Variants in KMT2C observed in about 807,000 individuals in gnomAD.
KMT2C encodes lysine methyltransferase 2C, also known as histone-lysine N-methyltransferase 2C.
Under a neutral mutation model 507.9 loss-of-function variants are expected in KMT2C, and 88 were observed. The ratio of observed to expected loss-of-function variants is 0.17; its 90% CI spans 0.15 to 0.21. The LOEUF is 0.21. KMT2C is among the 10% of genes least tolerant of loss of function. KMT2C has a pLI of 1.00. For synonymous variants in KMT2C, 2,049 were observed against 2,080.8 expected, an observed-to-expected ratio of 0.98 and a Z score of 0.42; for missense variants, 4,954 against 5,957.8, an observed-to-expected ratio of 0.83 and a Z score of 5.55.
intron 2 of KMT2C, among the ~76,000 whole-genome samples, chr7:152,342,095 A>G (rs2097000384): frequency 6.6e-6 from 1 of 152,186 alleles, no homozygotes; most frequent in Admixed American, 6.5e-5. Context: ...AAAGACCCCT[A>G]TCTTGTCTAT....
Position 152,177,767 on chromosome 7 carries a change from T to C in KMT2C, c.7686A>G (p.Arg2562=), listed in dbSNP as rs932276862. 5 of 1,614,150 alleles carry C rather than the reference T, an allele frequency of 3.1e-6. No individual in the cohort carries two copies. The highest frequency in any genetic ancestry group is 4.2e-6 in the Non-Finnish European group (5 of 1,180,022). Residue 2562 remains arginine (R), a synonymous_variant, in exon 38 of 59, where the codon AGA becomes AGG. Coordinates refer to ENST00000262189, the MANE Select transcript of KMT2C (RefSeq NM_170606.3). ...GTTGCCTTCCGTCAGGAGCCCTATG[T>C]CTCAGTTCAATATATGCTTGGCCCA... is the stretch of plus-strand genomic sequence containing the variant. ...NILGQAYIEL[R]HRAPDGRQRL... is the part of the protein sequence containing the mutation.
At chr7:152,156,373 A>G (rs1289594262) in intron 44 of KMT2C, 27 bp from the exon 45 acceptor site, 1 of 1,612,352 alleles carries the variant, frequency 6.2e-7, no homozygotes, top group Non-Finnish European at 8.5e-7. Flanking sequence ...AATTTAAATT[A>G]TATGCTACTG....
At chr7:152,311,273 C>T (rs2096669347) in intron 5 of KMT2C, among the ~76,000 whole-genome samples, 1 of 152,138 alleles carries the variant, frequency 6.6e-6, no homozygotes, top group South Asian at 2.1e-4. Context: ...TGATTATTAA[C>T]ACTTCAGCCT....
chr7:152,171,347 C>G lies in KMT2C; in HGVS notation c.9375-5G>C, dbSNP rs1219180796. 1 of 1,591,058 alleles carries G rather than the reference C, an allele frequency of 6.3e-7. No individual in the cohort carries two copies. Among genetic ancestry groups the G allele is most frequent in the South Asian group, 1.1e-5 (1 of 88,222 alleles). ...ACCTGGCCCATAAAAGGGAACCTGT[C>G]AAAACAGGGTACACAAGTATCAAGT... On this transcript the variant is annotated splice_polypyrimidine_tract_variant and splice_region_variant and intron_variant, in intron 39 of 58. Transcript: ENST00000262189.
In KMT2C at chr7:152,420,488, A is replaced by G. The variant is rs535394120; in HGVS notation, c.161+15138T>C. ...TTCTGCACAGCAAAAGAGATTATCA[A>G]CAGAGTAAACAGACAACCTACAGAA... On this transcript the variant is annotated intron_variant, in intron 1 of 58. Coordinates refer to ENST00000262189, the MANE Select transcript of KMT2C (RefSeq NM_170606.3). 2.2e-3 allele frequency among the ~76,000 whole-genome samples: 335 copies of G among 152,200 alleles called. 1 individual carries two copies. The highest frequency in any genetic ancestry group is 3.9e-3 in the Non-Finnish European group (268 of 68,042).
intron 31 of KMT2C, among the ~76,000 whole-genome samples, chr7:152,192,971 C>A (rs2093848608): frequency 6.6e-6 from 1 of 152,080 alleles, no homozygotes; most frequent in African/African-American, 2.4e-5. Flanking sequence ...CCCAGGAGTT[C>A]TAGACTGGCC....
At chr7:152,378,734 A>G (rs2097348026) in intron 1 of KMT2C, among the ~76,000 whole-genome samples, 1 of 152,188 alleles carries the variant, frequency 6.6e-6, no homozygotes. Context: ...AATAGTTAAT[A>G]AGAAAGAGTA....
rs774227680 is a variant in KMT2C, at chr7:152,148,590, G to A, written c.13337C>T (p.Ala4446Val). ...STEVYETQAG[A>V]LINVELALRR... ...CAGAGCTAGCTCCACATTTATTAAG[G>A]CACCAGCCTGAGTCTCATAGACCTC... The change falls in exon 52 of 59, where the codon GCC becomes GTC. Residue 4446 changes from alanine to valine, a missense_variant. Ala to Val is a moderately conservative substitution (Grantham distance 64). Around this residue, in one of 29 missense-constraint regions of KMT2C, gnomAD observed 39 missense variants for 101.8 expected, o/e 0.38. Coordinates refer to ENST00000262189, the MANE Select transcript of KMT2C (RefSeq NM_170606.3). This position sits in a 1 kb window ranked among gnomAD's most constrained non-coding sequence, Gnocchi z 7.1. 6.2e-7 allele frequency: 1 copy of A among 1,614,138 alleles called. No individual in the cohort carries two copies.
chr7:152,315,736 G>A (rs1274975194), intron 3 of KMT2C, among the ~76,000 whole-genome samples: 2 of 152,140 alleles, frequency 1.3e-5, no homozygotes, highest in African/African-American at 2.4e-5. Flanking sequence ...GTCCAACGTG[G>A]TGAAACCCCA....
At chr7:152,169,066 G>A (rs931560811) in intron 41 of KMT2C, 120 bp downstream of exon 41, 1 of 621,444 alleles carries the variant, frequency 1.6e-6, no homozygotes, top group Non-Finnish European at 2.9e-6. Context: ...TGTTTAATAA[G>A]ACAGGAGGGC....
At chr7:152,314,565 T>TGGGAGGGAAGGCAGGGGAGGGA (rs2096705669) in intron 4 of KMT2C, among the ~76,000 whole-genome samples, 1 of 127,620 alleles carries the variant, frequency 7.8e-6, no homozygotes, top group Non-Finnish European at 1.6e-5. Context: ...AAGCATCTTC[T>TGGGAGGGAAGGCAGGGGAGGGA]GGGAGGGAAG....
At chr7:152,366,512 A>G (rs1415014080) in intron 1 of KMT2C, among the ~76,000 whole-genome samples, 1 of 152,196 alleles carries the variant, frequency 6.6e-6, no homozygotes, top group East Asian at 1.9e-4. Context: ...AAAATAGTGG[A>G]TGATTCCACT....
At chr7:152,356,523 C>T (rs2097152766) in intron 2 of KMT2C, among the ~76,000 whole-genome samples, 1 of 152,014 alleles carries the variant, frequency 6.6e-6, no homozygotes, top group Middle Eastern at 3.4e-3. Flanking sequence ...TTGCAGTGAG[C>T]CAAGATCACG....
chr7:152,306,012 T>C (rs976036317), intron 6 of KMT2C, among the ~76,000 whole-genome samples: 1 of 152,192 alleles, frequency 6.6e-6, no homozygotes, highest in Non-Finnish European at 1.5e-5. Flanking sequence ...AACTCATACA[T>C]ATGCACACAT....
chr7:152,286,934 T>A (rs374556887), intron 6 of KMT2C, among the ~76,000 whole-genome samples: 1 of 152,030 alleles, frequency 6.6e-6, no homozygotes, highest in African/African-American at 2.4e-5. Context: ...AAAAAACTCA[T>A]AGACAACAAC....
At chr7:152,160,804 A>G (rs1014535052) in intron 43 of KMT2C, among the ~76,000 whole-genome samples, 2 of 151,926 alleles carry the variant, frequency 1.3e-5, no homozygotes, top group African/African-American at 4.8e-5. Context: ...TTTAATATAA[A>G]CATGCTCAAA....
chr7:152,375,928 GTGCTCAGCCTCATCGGT>G (rs2097325938), intron 1 of KMT2C, among the ~76,000 whole-genome samples: 1 of 152,068 alleles, frequency 6.6e-6, no homozygotes, highest in African/African-American at 2.4e-5. Flanking sequence ...CCGGACTCAA[GTGCTCAGCCTCATCGGT>G]AGGTGGGACA....
chr7:152,163,907 A>T, intron 42 of KMT2C, 81 bp from the exon 43 acceptor site: 1 of 1,383,452 alleles, frequency 7.2e-7, no homozygotes, highest in Non-Finnish European at 1.0e-6. Flanking sequence ...ACTGTGGTTG[A>T]GGTTACACAG....
rs760412796 is a variant in KMT2C, at chr7:152,251,979, T to C, written c.1581A>G (p.Leu527=). 4 of 1,612,838 alleles carry C rather than the reference T, an allele frequency of 2.5e-6. No homozygotes were observed. Among genetic ancestry groups the C allele is most frequent in the African/African-American group, 2.7e-5 (2 of 74,908 alleles). The change falls in exon 11 of 59, where the codon TTA becomes TTG. Residue 527 remains leucine (L), a synonymous_variant. Transcript: ENST00000262189. ...CKHLGAEMDR[L]QPGEEVEIAE... ...CTATCTCCACTTCCTCACCTGGCTGTAAACGATCCATCTCAGCTCCCAGGT... is the reference window on the plus strand; with the variant it reads ...CTATCTCCACTTCCTCACCTGGCTGCAAACGATCCATCTCAGCTCCCAGGT...
Sources: gnomAD v4.1 joint callset for allele counts (sites outside exome capture counted in the v4.1 genomes callset) on GRCh38, gnomAD v4.1.1 for gene constraint, gnomAD v4.1.1 regional missense constraint, Gnocchi (gnomAD v3.1) non-coding constraint, MANE v1.5 for transcripts, NCBI Gene and HGNC (gene_info 2026-07-23, HGNC 2026-07-21) for gene names.